HMGXB4: variants seen among roughly 807,000 people sequenced by gnomAD.
HMGXB4 encodes the protein HMG-box containing 4.
In HMGXB4, 27 loss-of-function variants were observed where a neutral mutation model predicts 63.9. The observed-to-expected ratio is 0.42, with a 90% CI of 0.31 to 0.58. The LOEUF (loss-of-function observed/expected upper bound fraction) is 0.58. Among genes scored for constraint, HMGXB4 ranks in the 20% least tolerant of loss-of-function variants. HMGXB4 has a pLI of 0.13. For missense variants in HMGXB4, 624 were observed against 700.7 expected (o/e 0.89, Z 1.24); for synonymous variants, 264 against 265.3 (o/e 0.99, Z 0.05).
Position 35,294,220 on chromosome 22 carries a change from A to C in HMGXB4, c.*569A>C, listed in dbSNP as rs1410007492. 1.3e-5 allele frequency: 2 copies of C among 152,432 alleles called. No homozygotes were observed. The highest frequency in any genetic ancestry group is 3.8e-4 in the East Asian group (2 of 5,196). 9.4% of individuals were successfully genotyped at this position (152,432 alleles called of 1,614,324 possible). On this transcript the variant is annotated 3_prime_UTR_variant, in exon 11 of 11. Transcript: ENST00000216106. The stretch of plus-strand genomic sequence containing the variant: ...CTTAGGTGAATTGAGTAGAGGGTTC[A>C]TTCCAATTCCTACTGTATAGGTGTC...
Position 35,265,366 on chromosome 22 carries a change from A to T in HMGXB4, c.978A>T (p.Lys326Asn). 1 of 1,614,060 alleles carries T rather than the reference A, an allele frequency of 6.2e-7. No individual in the cohort carries two copies. The highest frequency in any genetic ancestry group is 8.5e-7 in the Non-Finnish European group (1 of 1,180,034). Reference sequence around the variant, plus strand: ...AGAAAAAGAAGTCAAAGAAGAGCAAAAAGAAGAAAGACAAGGAGAAGCATA... The same window carrying T: ...AGAAAAAGAAGTCAAAGAAGAGCAATAAGAAGAAAGACAAGGAGAAGCATA... ...IKKKKKSKKSKKKKDKEKHKE... is the reference protein window; with the variant it reads ...IKKKKKSKKSNKKKDKEKHKE... Residue 326 changes from lysine (K) to asparagine (N), a missense_variant, in exon 5 of 11, where the codon AAA becomes AAT. Coordinates refer to ENST00000216106, the MANE Select transcript of HMGXB4 (RefSeq NM_001003681.3).
Position 35,264,940 on chromosome 22 carries a change from T to C in HMGXB4, c.552T>C (p.Leu184=), listed in dbSNP as rs1196601799. 1 of 1,614,130 alleles carries C rather than the reference T, an allele frequency of 6.2e-7. No homozygotes were observed. The highest frequency in any genetic ancestry group is 8.5e-7 in the Non-Finnish European group (1 of 1,180,020). Residue 184 remains leucine, a synonymous_variant, in exon 5 of 11, where the codon CTT becomes CTC. Coordinates refer to ENST00000216106, the MANE Select transcript of HMGXB4 (RefSeq NM_001003681.3). The part of the protein sequence containing the change: ...PLYVNTETLT[L]REPDGLKMKL... The stretch of plus-strand genomic sequence containing the variant: ...ATGTGAACACAGAGACACTGACCCT[T>C]CGGGAGCCTGATGGTTTAAAAATGA...
chr22:35,249,828 AC>A, the HMGXB4 span: 1 of 97,062 alleles, frequency 1.0e-5, no homozygotes, highest in African/African-American at 2.6e-5. Context: ...TCACCAGAAA[AC>A]CCCTAGAAAG....
intron 5 of HMGXB4, among the ~76,000 whole-genome samples, chr22:35,269,241 G>A (rs1923451294): frequency 6.6e-6 from 1 of 152,176 alleles, no homozygotes; most frequent in Non-Finnish European, 1.5e-5. Flanking sequence ...ATCTGGGTGT[G>A]GTGGCATGCG....
At chr22:35,256,031 A>T (rs1400482562), upstream of HMGXB4, among the ~76,000 whole-genome samples, 1 of 152,234 alleles carries the variant, frequency 6.6e-6, no homozygotes, top group Non-Finnish European at 1.5e-5. Flanking sequence ...AGGTGTTTTA[A>T]CATCTCAGCA....
intron 7 of HMGXB4, among the ~76,000 whole-genome samples, chr22:35,286,326 G>A (rs1389435080): frequency 6.6e-6 from 1 of 152,188 alleles, no homozygotes; most frequent in Non-Finnish European, 1.5e-5. Flanking sequence ...CCTAAGTTGA[G>A]GAGTAATTAA....
At chr22:35,246,649 C>A in the HMGXB4 span, among the ~76,000 whole-genome samples, 1 of 152,170 alleles carries the variant, frequency 6.6e-6, no homozygotes, top group South Asian at 2.1e-4. Flanking sequence ...CTTTGTGTGC[C>A]CCTGTTGGCT....
chr22:35,294,911 CATT>C lies in HMGXB4; in HGVS notation c.*1261_*1263del, dbSNP rs1475204434. On this transcript the variant is annotated 3_prime_UTR_variant, in exon 11 of 11. Transcript: ENST00000216106. ...AAGGTATTTTACCTCAAAAATGAAT[CATT>C]GTGTTAGGATTCTAATTCTTTATAA... The C allele has an allele frequency of 6.6e-6, 1 of 152,030 alleles. No individual in the cohort carries two copies. Among genetic ancestry groups the C allele is most frequent in the Admixed American group, 6.6e-5 (1 of 15,250 alleles). The allele number at this position is 152,030 out of a possible 1,614,324, so 9.4% of individuals were successfully genotyped here. A position where few individuals can be genotyped will look rare whatever the true frequency, so the allele number is the denominator to read the frequency against.
intron 5 of HMGXB4, among the ~76,000 whole-genome samples, chr22:35,268,341 A>G (rs1178093546): frequency 6.6e-6 from 1 of 152,112 alleles, no homozygotes; most frequent in East Asian, 1.9e-4. Flanking sequence ...TTCTGCACAA[A>G]TATTAAGCTT....
intron 3 of HMGXB4, 26 bp downstream of exon 3, chr22:35,263,252 A>C: frequency 6.3e-7 from 1 of 1,590,898 alleles, no homozygotes; most frequent in Non-Finnish European, 8.5e-7. Flanking sequence ...TTAAATTAGG[A>C]AAGTCTTAAA....
At chr22:35,286,141 C>A in intron 7 of HMGXB4, 80 bp downstream of exon 7, 1 of 958,858 alleles carries the variant, frequency 1.0e-6, no homozygotes. Flanking sequence ...GACTAGCCAG[C>A]CAGACAGCAC....
At chr22:35,257,761 A>G (rs1188938108) in intron 1 of HMGXB4, among the ~76,000 whole-genome samples, 2 of 152,210 alleles carry the variant, frequency 1.3e-5, no homozygotes. Flanking sequence ...GAGCGGGCAG[A>G]AGGAGGAGGG....
At chr22:35,253,993 C>G (rs1324927517), upstream of HMGXB4, among the ~76,000 whole-genome samples, 2 of 152,166 alleles carry the variant, frequency 1.3e-5, no homozygotes, top group Non-Finnish European at 1.5e-5. Context: ...TAGCAAAAGG[C>G]CCTGGCCTAA....
chr22:35,276,324 G>A (rs1193282526), intron 5 of HMGXB4, among the ~76,000 whole-genome samples: 1 of 152,228 alleles, frequency 6.6e-6, no homozygotes, highest in Non-Finnish European at 1.5e-5. Flanking sequence ...ACCAGATGAA[G>A]TCATTGGCCT....
the HMGXB4 span, among the ~76,000 whole-genome samples, chr22:35,241,724 A>T: frequency 6.6e-6 from 1 of 152,188 alleles, no homozygotes; most frequent in Admixed American, 6.5e-5. Flanking sequence ...TGTTCGGGAG[A>T]GGGGGGTCTC....
intron 5 of HMGXB4, among the ~76,000 whole-genome samples, chr22:35,282,207 C>G (rs772312730): frequency 3.3e-5 from 5 of 152,158 alleles, no homozygotes; most frequent in African/African-American, 4.8e-5. Context: ...AACGGAGTCT[C>G]GCTCTGTCGC....
At chr22:35,246,233 C>T in the HMGXB4 span, among the ~76,000 whole-genome samples, 11 of 152,030 alleles carry the variant, frequency 7.2e-5, no homozygotes, top group Middle Eastern at 3.4e-3. Flanking sequence ...GGTATGGGTC[C>T]ACCGCCTATT....
At chr22:35,291,188 G>C (rs1457905328) in intron 9 of HMGXB4, among the ~76,000 whole-genome samples, 1 of 151,226 alleles carries the variant, frequency 6.6e-6, no homozygotes, top group East Asian at 1.9e-4. Flanking sequence ...GCTTGAACCG[G>C]GAGGTGGAGG....
intron 9 of HMGXB4, among the ~76,000 whole-genome samples, chr22:35,292,126 G>A (rs576451801): frequency 6.2e-4 from 94 of 152,340 alleles, no homozygotes; most frequent in African/African-American, 2.2e-3. Context: ...CAGTTTTGAA[G>A]ATCAAGATGT....
Sources: allele counts gnomAD v4.1 joint callset (sites outside exome capture counted in the v4.1 genomes callset), GRCh38; gene constraint gnomAD v4.1.1; transcripts MANE v1.5; gene names NCBI Gene and HGNC (gene_info 2026-07-23, HGNC 2026-07-21).